Variants in AGBL4 observed in about 807,000 individuals in gnomAD.
AGBL4 encodes the protein AGBL carboxypeptidase 4.
A neutral mutation model predicts 66.4 loss-of-function variants in AGBL4; 58 were observed. That is an observed-to-expected ratio of 0.87 (90% CI 0.71 to 1.09). AGBL4 has a LOEUF of 1.09. AGBL4 is among the 50% of genes least tolerant of loss of function. AGBL4 has a pLI of 0.00. For synonymous variants in AGBL4, 234 were observed against 222.9 expected (o/e 1.05, Z -0.44); for missense variants, 579 against 631.0 (o/e 0.92, Z 0.88).
At chr1:49,806,032 A>G (rs1644969448) in intron 2 of AGBL4, among the ~76,000 whole-genome samples, 1 of 152,186 alleles carries the variant, frequency 6.6e-6, no homozygotes, top group Admixed American at 6.5e-5. Flanking sequence ...AAAATGTAGG[A>G]GTGGCTTTAA....
chr1:49,315,837 T>C (rs1250084020), intron 3 of AGBL4, among the ~76,000 whole-genome samples: 33 of 152,040 alleles, frequency 2.2e-4, no homozygotes, highest in Admixed American at 1.4e-3. Context: ...TTATCCATAA[T>C]TGGCAAAACT....
intron 11 of AGBL4, among the ~76,000 whole-genome samples, chr1:48,544,691 C>T (rs1644130427): frequency 6.6e-6 from 1 of 152,086 alleles, no homozygotes; most frequent in Admixed American, 6.6e-5. Context: ...GAATCCCGAG[C>T]CTCCATGTGA....
intron 5 of AGBL4, among the ~76,000 whole-genome samples, chr1:49,043,473 G>A (rs1347429107): frequency 3.9e-5 from 6 of 152,120 alleles, no homozygotes; most frequent in Non-Finnish European, 7.4e-5. Flanking sequence ...ATTGTGTTCT[G>A]TTAACCTTCC....
At chr1:49,544,825 C>G (rs563699109) in intron 3 of AGBL4, among the ~76,000 whole-genome samples, 5 of 152,218 alleles carry the variant, frequency 3.3e-5, no homozygotes, top group African/African-American at 9.6e-5. Context: ...CAGTTAAACT[C>G]CCTAACTTAA....
chr1:48,801,302 C>A (rs538780348), intron 6 of AGBL4, among the ~76,000 whole-genome samples: 1 of 152,192 alleles, frequency 6.6e-6, no homozygotes, highest in Non-Finnish European at 1.5e-5. Flanking sequence ...CTGCCCACAC[C>A]GTTGGCTGCA....
At chr1:48,896,860 T>C (rs1042197266) in intron 5 of AGBL4, among the ~76,000 whole-genome samples, 6 of 152,172 alleles carry the variant, frequency 3.9e-5, no homozygotes, top group African/African-American at 1.2e-4. Flanking sequence ...TAGACAATGA[T>C]ACAAAAGTAC....
chr1:49,667,101 A>C (rs538578616), intron 3 of AGBL4, among the ~76,000 whole-genome samples: 2 of 152,266 alleles, frequency 1.3e-5, no homozygotes, highest in South Asian at 4.1e-4. Context: ...AATATAATAC[A>C]TGTTAAAGCA....
chr1:48,543,426 CCAT>C (rs1644108518), intron 11 of AGBL4, among the ~76,000 whole-genome samples: 1 of 151,584 alleles, frequency 6.6e-6, no homozygotes, highest in Non-Finnish European at 1.5e-5. Context: ...ATCCATCCAT[CCAT>C]CTACCCGTCC....
chr1:49,677,498 A>G (rs528884273), intron 3 of AGBL4, among the ~76,000 whole-genome samples: 7 of 152,186 alleles, frequency 4.6e-5, no homozygotes, highest in African/African-American at 1.7e-4. Flanking sequence ...AATTCTCTTT[A>G]CAAATATTTT....
chr1:48,674,621 T>C (rs2148471586), intron 6 of AGBL4, among the ~76,000 whole-genome samples: 1 of 152,258 alleles, frequency 6.6e-6, no homozygotes, highest in African/African-American at 2.4e-5. Flanking sequence ...CTGTGTTGTC[T>C]TGGGAAAGTC....
Position 49,649,391 on chromosome 1 carries a change from G to T in AGBL4, c.282+47922C>A, listed in dbSNP as rs183209837. On this transcript the variant is annotated intron_variant, in intron 3 of 13. Transcript: ENST00000371839. Reference sequence around the variant, plus strand: ...AGGAATAAATGGAGTGATATACAATGATTCAGGTCACTTCTTCAAGAAAAC... The same window carrying T: ...AGGAATAAATGGAGTGATATACAATTATTCAGGTCACTTCTTCAAGAAAAC... Among the ~76,000 whole-genome samples, 148 of 152,252 alleles carry T rather than the reference G, an allele frequency of 9.7e-4. 1 individual carries two copies. The highest frequency in any genetic ancestry group is 3.2e-3 in the Admixed American group (49 of 15,276).
Position 49,391,706 on chromosome 1 carries a change from C to T in AGBL4, c.283-145842G>A, listed in dbSNP as rs1370438616. Among the ~76,000 whole-genome samples, 37 of 151,996 alleles carry T rather than the reference C, an allele frequency of 2.4e-4. 1 individual carries two copies. The highest frequency in any genetic ancestry group is 2.9e-5 in the Non-Finnish European group (2 of 68,004). On this transcript the variant is annotated intron_variant, in intron 3 of 13. Coordinates refer to ENST00000371839, the MANE Select transcript of AGBL4 (RefSeq NM_032785.4). ...CCTCCCAAGTAGCTGGGACTACAGG[C>T]ACCGGCCACCACACCCGGCTAATTT...
intron 1 of AGBL4, among the ~76,000 whole-genome samples, chr1:50,022,122 T>C (rs757039480): frequency 6.6e-6 from 1 of 152,170 alleles, no homozygotes; most frequent in East Asian, 1.9e-4. Context: ...ATATCAGTAA[T>C]TCAGTTATTC....
chr1:48,555,344 C>T (rs376236912), intron 11 of AGBL4, among the ~76,000 whole-genome samples: 2 of 152,054 alleles, frequency 1.3e-5, no homozygotes, highest in African/African-American at 4.8e-5. Flanking sequence ...AGGCAGTAAA[C>T]CAACCAACAA....
chr1:49,614,159 C>T (rs545915080), intron 3 of AGBL4, among the ~76,000 whole-genome samples: 1 of 152,018 alleles, frequency 6.6e-6, no homozygotes, highest in East Asian at 1.9e-4. Context: ...GTATATGTAC[C>T]CCTCATTTCA....
At chr1:48,722,817 A>T (rs1490732600) in intron 6 of AGBL4, among the ~76,000 whole-genome samples, 1 of 152,206 alleles carries the variant, frequency 6.6e-6, no homozygotes, top group Non-Finnish European at 1.5e-5. Context: ...CACCATGTCC[A>T]GTCCTGAGTC....
intron 9 of AGBL4, among the ~76,000 whole-genome samples, chr1:48,592,709 C>T (rs1206349313): frequency 6.6e-6 from 1 of 152,090 alleles, no homozygotes; most frequent in Non-Finnish European, 1.5e-5. Context: ...TTATATCTCT[C>T]GATGTCAGAG....
At chr1:49,889,787 ATCT>A (rs1172471941) in intron 1 of AGBL4, among the ~76,000 whole-genome samples, 1 of 152,142 alleles carries the variant, frequency 6.6e-6, no homozygotes, top group Non-Finnish European at 1.5e-5. Context: ...AGGTTTTCTA[ATCT>A]TCTAAATTTA....
chr1:48,996,299 A>G (rs1337138678), intron 5 of AGBL4, among the ~76,000 whole-genome samples: 3 of 152,240 alleles, frequency 2.0e-5, no homozygotes, highest in Admixed American at 2.0e-4. Flanking sequence ...ACTCATTAGC[A>G]TATAGTTGAC....
Sources: gnomAD v4.1 joint callset for allele counts (sites outside exome capture counted in the v4.1 genomes callset) on GRCh38, gnomAD v4.1.1 for gene constraint, MANE v1.5 for transcripts, NCBI Gene and HGNC (gene_info 2026-07-23, HGNC 2026-07-21) for gene names.